BRINP3: variants seen among roughly 807,000 people sequenced by gnomAD.
The protein encoded by BRINP3 is BMP/retinoic acid-inducible neural-specific protein 3.
BRINP3 carries 19 observed loss-of-function variants against 71.0 expected under a neutral mutation model. The ratio of observed to expected loss-of-function variants is 0.27; its 90% CI spans 0.19 to 0.39. The LOEUF (loss-of-function observed/expected upper bound fraction) is 0.39, where lower values mean the gene tolerates loss of function less well. Among genes scored for constraint, BRINP3 ranks in the 10% least tolerant of loss-of-function variants. The pLI, the probability that BRINP3 is intolerant of heterozygous loss-of-function variation, is 1.00. For synonymous variants in BRINP3, 380 were observed against 337.7 expected, an observed-to-expected ratio of 1.13 and a Z score of -1.37; for missense variants, 959 against 940.8, an observed-to-expected ratio of 1.02 and a Z score of -0.25.
intron 7 of BRINP3, among the ~76,000 whole-genome samples, chr1:190,147,050 T>G (rs1049381121): frequency 6.6e-5 from 10 of 152,050 alleles, no homozygotes; most frequent in Non-Finnish European, 1.3e-4. Context: ...TTCTGTTATA[T>G]TTTCTTAAGG....
intron 7 of BRINP3, among the ~76,000 whole-genome samples, 172 bp from the exon 8 acceptor site, chr1:190,099,306 ACACACAC>A (rs1048267482): frequency 2.0e-5 from 3 of 149,630 alleles, no homozygotes; most frequent in Middle Eastern, 3.4e-3. Flanking sequence ...ATACACACAC[ACACACAC>A]ACACACACAC....
intron 2 of BRINP3, among the ~76,000 whole-genome samples, chr1:190,408,703 T>C (rs1672464466): frequency 6.6e-6 from 1 of 152,224 alleles, no homozygotes; most frequent in African/African-American, 2.4e-5. Context: ...CAATTAGTTT[T>C]CAACTGAGAA....
intron 6 of BRINP3, among the ~76,000 whole-genome samples, chr1:190,201,320 G>A (rs1451676331): frequency 6.6e-6 from 1 of 152,044 alleles, no homozygotes; most frequent in Non-Finnish European, 1.5e-5. Flanking sequence ...TAAAGTATCT[G>A]GCAGAAGAAA....
In BRINP3 at chr1:190,098,966, T is replaced by C; in HGVS notation, c.1353A>G (p.Thr451=). The C allele has an allele frequency of 6.2e-7, 1 of 1,614,128 alleles. No individual in the cohort carries two copies. Among genetic ancestry groups the C allele is most frequent in the Non-Finnish European group, 8.5e-7 (1 of 1,180,034 alleles). The change falls in exon 8 of 8, where the codon ACA becomes ACG. Residue 451 remains threonine, a synonymous_variant. Coordinates refer to ENST00000367462, the MANE Select transcript of BRINP3 (RefSeq NM_199051.3). ...CTVGDASACL[T]CAPDNRTRCG... is the part of the protein sequence containing the mutation. The stretch of plus-strand genomic sequence containing the variant: ...AGCGGGTGCGGTTGTCTGGTGCGCA[T>C]GTCAGGCAGGCAGAGGCGTCTCCCA...
At chr1:190,168,398 A>G (rs566367602) in intron 6 of BRINP3, among the ~76,000 whole-genome samples, 1 of 152,208 alleles carries the variant, frequency 6.6e-6, no homozygotes, top group Non-Finnish European at 1.5e-5. Flanking sequence ...GGTGAGTGAT[A>G]ATTTCTGGGG....
intron 3 of BRINP3, among the ~76,000 whole-genome samples, chr1:190,276,778 ATT>A (rs916064556): frequency 1.3e-5 from 2 of 150,934 alleles, no homozygotes; most frequent in African/African-American, 2.4e-5. Flanking sequence ...AATGAAGAGA[ATT>A]TTTTTTGTAT....
At chr1:190,295,605 C>A (rs1441500146) in intron 2 of BRINP3, among the ~76,000 whole-genome samples, 3 of 152,130 alleles carry the variant, frequency 2.0e-5, no homozygotes, top group Admixed American at 2.0e-4. Context: ...ACTCAGGTTT[C>A]TGTTACTTGG....
In BRINP3 at chr1:190,098,393, C is replaced by G. The variant is rs774769622; in HGVS notation, c.1926G>C (p.Glu642Asp). 6.2e-7 allele frequency: 1 copy of G among 1,614,180 alleles called. No individual in the cohort carries two copies. The highest frequency in any genetic ancestry group is 8.5e-7 in the Non-Finnish European group (1 of 1,180,036). The change falls in exon 8 of 8, where the codon GAG becomes GAC. Residue 642 changes from glutamate to aspartate, a missense_variant. Physicochemically the swap from Glu to Asp is conservative, Grantham distance 45. Transcript: ENST00000367462. ...ACTCCAGAGGTTCATAGTAAATGCTCTCATTACCATTGGGACCATTGGACT... is the reference window on the plus strand; with the variant it reads ...ACTCCAGAGGTTCATAGTAAATGCTGTCATTACCATTGGGACCATTGGACT... ...RIKSNGPNGN[E>D]SIYYEPLEFI... is the part of the protein sequence containing the mutation.
At chr1:190,229,202 T>G (rs535805006) in intron 5 of BRINP3, among the ~76,000 whole-genome samples, 1 of 152,128 alleles carries the variant, frequency 6.6e-6, no homozygotes, top group Admixed American at 6.6e-5. Flanking sequence ...CACTTTGAAC[T>G]GTAATAATCC....
chr1:190,354,023 A>C (rs1668570900), intron 2 of BRINP3, among the ~76,000 whole-genome samples: 1 of 151,972 alleles, frequency 6.6e-6, no homozygotes, highest in East Asian at 1.9e-4. Context: ...TCTGAACTTA[A>C]CAAGCCACTT....
chr1:190,114,874 G>T (rs1652998211), intron 7 of BRINP3, among the ~76,000 whole-genome samples: 1 of 151,970 alleles, frequency 6.6e-6, no homozygotes, highest in African/African-American at 2.4e-5. Flanking sequence ...GAACCCCATT[G>T]CTCATATATC....
At chr1:190,299,486 GGTTA>G (rs1258104312) in intron 2 of BRINP3, among the ~76,000 whole-genome samples, 1 of 151,138 alleles carries the variant, frequency 6.6e-6, no homozygotes, top group Non-Finnish European at 1.5e-5. Flanking sequence ...ACAATGTGCA[GGTTA>G]GTTACATATG....
chr1:190,426,952 T>C (rs950457456), intron 2 of BRINP3, among the ~76,000 whole-genome samples: 1 of 151,872 alleles, frequency 6.6e-6, no homozygotes, highest in African/African-American at 2.4e-5. Flanking sequence ...AATAGCCAGT[T>C]CTGCCTGTAA....
chr1:190,470,273 C>G (rs1571400590), intron 1 of BRINP3, among the ~76,000 whole-genome samples: 1 of 150,956 alleles, frequency 6.6e-6, no homozygotes, highest in East Asian at 1.9e-4. Context: ...TATTCTTTCA[C>G]AATAAATCTA....
intron 2 of BRINP3, among the ~76,000 whole-genome samples, chr1:190,397,252 T>C (rs776577782): frequency 3.3e-5 from 5 of 151,942 alleles, no homozygotes; most frequent in Non-Finnish European, 5.9e-5. Flanking sequence ...TCAAGAAAAA[T>C]ACCAGTTTCA....
intron 6 of BRINP3, among the ~76,000 whole-genome samples, chr1:190,211,459 T>C (rs1655983644): frequency 1.3e-5 from 2 of 152,076 alleles, no homozygotes; most frequent in Admixed American, 1.3e-4. Context: ...CTTAATGAAG[T>C]AAATCAAATC....
At chr1:190,449,907 C>T (rs1675492493) in intron 2 of BRINP3, among the ~76,000 whole-genome samples, 1 of 152,150 alleles carries the variant, frequency 6.6e-6, no homozygotes, top group Admixed American at 6.5e-5. Flanking sequence ...GATATGTAAT[C>T]ATTAATATTA....
intron 7 of BRINP3, among the ~76,000 whole-genome samples, chr1:190,105,519 T>A (rs1571709542): frequency 6.6e-6 from 1 of 152,070 alleles, no homozygotes; most frequent in African/African-American, 2.4e-5. Context: ...CTCCCTGATA[T>A]AAGTATGCTT....
At chr1:190,358,678 T>C (rs1435181770) in intron 2 of BRINP3, among the ~76,000 whole-genome samples, 2 of 152,070 alleles carry the variant, frequency 1.3e-5, no homozygotes, top group African/African-American at 2.4e-5. Flanking sequence ...ACCCAAAGAA[T>C]TATAAATCAT....
Sources: gnomAD v4.1 joint callset for allele counts (sites outside exome capture counted in the v4.1 genomes callset) on GRCh38, gnomAD v4.1.1 for gene constraint, MANE v1.5 for transcripts, NCBI Gene and HGNC (gene_info 2026-07-23, HGNC 2026-07-21) for gene names.